The following LETM1 variants were observed in gnomAD, a reference collection of about 807,000 sequenced individuals.
LETM1 encodes mitochondrial proton/calcium exchanger protein.
A neutral mutation model predicts 74.5 loss-of-function variants in LETM1; 50 were observed. The observed-to-expected ratio is 0.67, with a 90% CI of 0.53 to 0.85. The LOEUF (loss-of-function observed/expected upper bound fraction) is 0.85, where lower values mean the gene tolerates loss of function less well. LETM1 is among the 40% of genes least tolerant of loss of function. LETM1 has a pLI of 0.00. For synonymous variants in LETM1, 446 were observed against 407.1 expected (o/e 1.10, Z -1.15); for missense variants, 824 against 967.8 (o/e 0.85, Z 1.97).
intron 11 of LETM1, among the ~76,000 whole-genome samples, chr4:1,817,985 G>T (rs1220351944): frequency 1.3e-5 from 2 of 152,260 alleles, no homozygotes; most frequent in African/African-American, 4.8e-5. Flanking sequence ...TCACCATGTT[G>T]CCCAGGCCGG....
chr4:1,822,833 C>T (rs1480002122), intron 9 of LETM1, 155 bp downstream of exon 9: 4 of 681,994 alleles, frequency 5.9e-6, no homozygotes, highest in South Asian at 7.5e-5. Flanking sequence ...CACACCCGGG[C>T]ACCCTGCCTC....
chr4:1,833,132 T>C (rs1436944052), intron 5 of LETM1, 185 bp from the exon 6 acceptor site: 4 of 594,350 alleles, frequency 6.7e-6, no homozygotes, highest in Middle Eastern at 4.5e-4. Flanking sequence ...AATGCAGTGG[T>C]GTAATCTCGG....
chr4:1,825,504 T>C (rs2108840290), intron 7 of LETM1, 60 bp downstream of exon 7: 3 of 1,571,952 alleles, frequency 1.9e-6, no homozygotes, highest in Middle Eastern at 3.6e-4. Context: ...GAGTGGCCTT[T>C]CGAGGCTGAT....
At chr4:1,844,034 G>A (rs1577325316) in intron 2 of LETM1, among the ~76,000 whole-genome samples, 1 of 152,320 alleles carries the variant, frequency 6.6e-6, no homozygotes, top group East Asian at 1.9e-4. Flanking sequence ...CAGTTAGCAA[G>A]GACGATGGTG....
chr4:1,829,258 C>T (rs1160735196), intron 6 of LETM1, among the ~76,000 whole-genome samples: 2 of 143,912 alleles, frequency 1.4e-5, no homozygotes, highest in Admixed American at 6.7e-5. Flanking sequence ...GGCGGCTGGC[C>T]GGGCAGAGGG....
rs1722515730 is a variant in LETM1 at position 1,813,069 on chromosome 4, T to C, written c.*1355A>G. 1.3e-5 allele frequency: 2 copies of C among 152,368 alleles called. No homozygotes were observed. The highest frequency in any genetic ancestry group is 1.3e-4 in the Admixed American group (2 of 15,280). 9.4% of individuals were successfully genotyped at this position (152,368 alleles called of 1,614,324 possible). ...AATTCATAAATATTAGTTAAGGATC[T>C]AAAACAAACTTCTCAAATAACTGAA... On this transcript the variant is annotated 3_prime_UTR_variant, in exon 14 of 14. Coordinates refer to ENST00000302787, the MANE Select transcript of LETM1 (RefSeq NM_012318.3).
intron 6 of LETM1, among the ~76,000 whole-genome samples, chr4:1,826,585 T>G (rs576880986): frequency 1.3e-5 from 2 of 152,348 alleles, no homozygotes; most frequent in East Asian, 3.9e-4. Context: ...AACAGGATCA[T>G]GCAGGAGTCA....
At chr4:1,826,278 G>GC (rs1356786144) in intron 6 of LETM1, among the ~76,000 whole-genome samples, 1 of 152,200 alleles carries the variant, frequency 6.6e-6, no homozygotes, top group Non-Finnish European at 1.5e-5. Flanking sequence ...CTGCAGTAGG[G>GC]CCCCCCATCT....
chr4:1,841,515 GC>G lies in LETM1; in HGVS notation c.425del (p.Ser142ThrfsTer8). 1 of 1,614,232 alleles carries G rather than the reference GC, an allele frequency of 6.2e-7. No individual in the cohort carries two copies. The highest frequency in any genetic ancestry group is 1.1e-5 in the South Asian group (1 of 91,088). On this transcript the variant is annotated frameshift_variant, in exon 3 of 14. Transcript: ENST00000302787. LOFTEE classifies it high-confidence loss of function. ...TCTTCACCACCACCTCTGCGGGGGG[GC>G]TGTACACCGGGCCGCCTTCCTCCAG... is the stretch of plus-strand genomic sequence containing the variant. ...KKLEEGGPVYSPPAEVVVKKS... is the reference protein window; with the variant it reads ...KKLEEGGPVYXPPAEVVVKKS...
chr4:1,823,711 T>A lies in LETM1; in HGVS notation c.1265A>T (p.Tyr422Phe). Residue 422 changes from tyrosine (Y) to phenylalanine (F), a missense_variant, in exon 8 of 14, where the codon TAC becomes TTC. Around this residue, in one of 4 missense-constraint regions of LETM1, gnomAD observed 172 missense variants for 170.7 expected, o/e 1.01. Transcript: ENST00000302787. ...TSLLILSRAM[Y>F]LPDTLSPADQ... is the part of the protein sequence containing the mutation. ...GGCTGGAGAGAGGGTGTCCGGGAGG[T>A]ACATGGCCCGGGACAGGATGAGCAG... The A allele has an allele frequency of 6.2e-7, 1 of 1,613,350 alleles. No individual in the cohort carries two copies. The highest frequency in any genetic ancestry group is 8.5e-7 in the Non-Finnish European group (1 of 1,179,836).
intron 1 of LETM1, among the ~76,000 whole-genome samples, chr4:1,851,677 C>T (rs1713075289): frequency 6.6e-6 from 1 of 152,236 alleles, no homozygotes; most frequent in Non-Finnish European, 1.5e-5. Flanking sequence ...TTGGCCCCCA[C>T]CTTTCTCCAC....
intron 2 of LETM1, among the ~76,000 whole-genome samples, chr4:1,844,638 T>C (rs764002334): frequency 2.7e-5 from 4 of 150,554 alleles, no homozygotes; most frequent in Non-Finnish European, 4.4e-5. Flanking sequence ...GGCTGAGGCG[T>C]GAGAACTGCT....
chr4:1,829,883 C>T (rs1008353219), intron 6 of LETM1, among the ~76,000 whole-genome samples: 1 of 152,168 alleles, frequency 6.6e-6, no homozygotes, highest in Non-Finnish European at 1.5e-5. Flanking sequence ...CACACACACA[C>T]ACACGATGCC....
chr4:1,826,095 C>T (rs1191454317), intron 6 of LETM1, among the ~76,000 whole-genome samples: 1 of 152,184 alleles, frequency 6.6e-6, no homozygotes, highest in Non-Finnish European at 1.5e-5. Flanking sequence ...CCAAAGGGCC[C>T]CTCTCTTCTG....
chr4:1,849,251 G>T, intron 1 of LETM1, 42 bp from the exon 2 acceptor site: 2 of 1,375,304 alleles, frequency 1.5e-6, no homozygotes, highest in Non-Finnish European at 2.1e-6. Flanking sequence ...AGTAAATCAG[G>T]GATTTATACT....
At position 1,856,059 on chromosome 4, in the gene LETM1, C is replaced by T; in HGVS notation, c.-109G>A. 1 of 619,338 alleles carries T rather than the reference C, an allele frequency of 1.6e-6. No homozygotes were observed. The highest frequency in any genetic ancestry group is 2.3e-6 in the Non-Finnish European group (1 of 441,602). 38.4% of individuals were successfully genotyped at this position (619,338 alleles called of 1,614,324 possible). A position where few individuals can be genotyped will look rare whatever the true frequency, so the allele number is the denominator to read the frequency against. Reference sequence around the variant, plus strand: ...CTTCAGACCCGGCCCGCGCGGACGGCTGACAGAGGCGGCTGGCCTCGGACG... The same window carrying T: ...CTTCAGACCCGGCCCGCGCGGACGGTTGACAGAGGCGGCTGGCCTCGGACG... On this transcript the variant is annotated 5_prime_UTR_variant, in exon 1 of 14. Transcript: ENST00000302787.
rs75307695 is a variant in LETM1, at chr4:1,813,424, C to A, written c.*1000G>T. ...GCCCTGGCCAGCCTGGCCATGCTGC[C>A]GAGTGCGGGGAGGCCACCCCACCCA... On this transcript the variant is annotated 3_prime_UTR_variant, in exon 14 of 14. Transcript: ENST00000302787. 1.3e-5 allele frequency: 2 copies of A among 152,392 alleles called. No individual in the cohort carries two copies. The highest frequency in any genetic ancestry group is 1.9e-4 in the East Asian group (1 of 5,300). 9.4% of individuals were successfully genotyped at this position (152,392 alleles called of 1,614,324 possible). A position where few individuals can be genotyped will look rare whatever the true frequency, so the allele number is the denominator to read the frequency against.
rs755016730 is a variant in LETM1, at chr4:1,825,615, G to A, written c.1149C>T (p.Gly383=). 6.2e-7 allele frequency: 1 copy of A among 1,613,968 alleles called. No homozygotes were observed. The stretch of plus-strand genomic sequence containing the variant: ...CTTCCGTGACGCCCAGGGCCCGCAT[G>A]CCTCGTGCCCGACACGCTGCCTGCA... ...KELQAACRAR[G]MRALGVTEDR... is the part of the protein sequence containing the mutation. Residue 383 remains glycine, a synonymous_variant, in exon 7 of 14, where the codon GGC becomes GGT. Transcript: ENST00000302787.
intron 2 of LETM1, among the ~76,000 whole-genome samples, chr4:1,844,834 G>A (rs1258358221): frequency 1.4e-5 from 2 of 143,584 alleles, no homozygotes; most frequent in African/African-American, 2.7e-5. Flanking sequence ...CGCTGCTCAA[G>A]TCCAGGAGTT....
Sources: allele counts gnomAD v4.1 joint callset (sites outside exome capture counted in the v4.1 genomes callset), GRCh38; gene constraint gnomAD v4.1.1; regional missense constraint gnomAD v4.1.1; transcripts MANE v1.5; gene names NCBI Gene and HGNC (gene_info 2026-07-23, HGNC 2026-07-21).